Variants in ADGRG6 observed in about 807,000 individuals in gnomAD.
The protein encoded by ADGRG6 is G-protein coupled receptor 126.
ADGRG6 carries 84 observed loss-of-function variants against 142.4 expected under a neutral mutation model. The observed-to-expected ratio is 0.59, with a 90% CI of 0.49 to 0.71. ADGRG6 has a LOEUF of 0.71. Among genes scored for constraint, ADGRG6 ranks in the 30% least tolerant of loss-of-function variants. The probability of loss-of-function intolerance (pLI) is 0.00; values close to 1 mark genes in which losing one functional copy is unlikely to be tolerated. For synonymous variants in ADGRG6, 521 were observed against 520.5 expected, an observed-to-expected ratio of 1.00 and a Z score of -0.01; for missense variants, 1,367 against 1,466.6, an observed-to-expected ratio of 0.93 and a Z score of 1.11.
intron 2 of ADGRG6, among the ~76,000 whole-genome samples, chr6:142,334,412 G>A (rs1641567868): frequency 6.6e-6 from 1 of 152,148 alleles, no homozygotes; most frequent in Admixed American, 6.5e-5. Flanking sequence ...AAGTGAATTT[G>A]CAAACATTAA....
Position 142,383,851 on chromosome 6 carries a change from AT to A in ADGRG6, c.1222+9del. On this transcript the variant is annotated intron_variant, in intron 6 of 24. Transcript: ENST00000367609. ...TCGATAAACAAAGGAATGGTAAGAAATCATTACCTTTTATATTTTTAGTATG... is the reference window on the plus strand; with the variant it reads ...TCGATAAACAAAGGAATGGTAAGAAACATTACCTTTTATATTTTTAGTATG... The A allele has an allele frequency of 7.3e-7, 1 of 1,366,354 alleles. No individual in the cohort carries two copies. The highest frequency in any genetic ancestry group is 1.0e-6 in the Non-Finnish European group (1 of 958,368). The allele number at this position is 1,366,354 out of a possible 1,614,324, so 84.6% of individuals were successfully genotyped here.
At chr6:142,317,773 CATAT>C (rs1192330589) in intron 2 of ADGRG6, among the ~76,000 whole-genome samples, 1 of 80,316 alleles carries the variant, frequency 1.2e-5, no homozygotes, top group Non-Finnish European at 2.2e-5. Flanking sequence ...ATATTTATAT[CATAT>C]ATATTTATAT....
At chr6:142,331,715 G>GT (rs869304630) in intron 2 of ADGRG6, among the ~76,000 whole-genome samples, 9 of 150,690 alleles carry the variant, frequency 6.0e-5, no homozygotes, top group East Asian at 3.9e-4. Context: ...TGCCTTCTCT[G>GT]TTTTTTTTGT....
intron 2 of ADGRG6, among the ~76,000 whole-genome samples, chr6:142,351,937 G>A (rs1780199353): frequency 6.6e-6 from 1 of 152,072 alleles, no homozygotes; most frequent in South Asian, 2.1e-4. Context: ...CAGTCATAAT[G>A]GCCATTATTA....
Position 142,445,852 on chromosome 6 carries a change from C to G in ADGRG6, c.*2337C>G, listed in dbSNP as rs1777950464. The G allele has an allele frequency of 6.6e-6, 1 of 152,092 alleles. No homozygotes were observed. The highest frequency in any genetic ancestry group is 2.1e-4 in the South Asian group (1 of 4,830). The allele number at this position is 152,092 out of a possible 1,614,324, so 9.4% of individuals were successfully genotyped here. ...TCATTATGTTTTCTTTTCTTTTTCC[C>G]TCTTTTTAAACTACATTGTGTTAGA... On this transcript the variant is annotated 3_prime_UTR_variant, in exon 25 of 25. Coordinates refer to ENST00000367609, the MANE Select transcript of ADGRG6 (RefSeq NM_198569.3).
At chr6:142,360,724 T>A (rs560215494) in intron 2 of ADGRG6, among the ~76,000 whole-genome samples, 4 of 152,304 alleles carry the variant, frequency 2.6e-5, no homozygotes, top group Admixed American at 6.5e-5. Flanking sequence ...AGTGGTGTGA[T>A]CTCAGCTTAC....
intron 10 of ADGRG6, among the ~76,000 whole-genome samples, chr6:142,399,515 G>A (rs1234324035): frequency 6.6e-6 from 1 of 152,112 alleles, no homozygotes; most frequent in African/African-American, 2.4e-5. Context: ...TATGACTGGA[G>A]AACCCTAGGA....
chr6:142,433,483 G>A (rs1472230289), intron 22 of ADGRG6, among the ~76,000 whole-genome samples: 1 of 152,218 alleles, frequency 6.6e-6, no homozygotes. Context: ...GTCATGTAGA[G>A]TGTGAGGATG....
intron 2 of ADGRG6, among the ~76,000 whole-genome samples, chr6:142,317,720 T>A (rs1274522090): frequency 3.3e-5 from 3 of 92,100 alleles, no homozygotes; most frequent in Non-Finnish European, 5.3e-5. Context: ...ATATTTATAT[T>A]ATATATTAAT....
At chr6:142,352,886 A>G (rs909999992) in intron 2 of ADGRG6, among the ~76,000 whole-genome samples, 1 of 152,186 alleles carries the variant, frequency 6.6e-6, no homozygotes, top group Non-Finnish European at 1.5e-5. Flanking sequence ...AAGCAAATAA[A>G]ATTAGATGAA....
chr6:142,416,259 A>C (rs1776354678), intron 20 of ADGRG6, among the ~76,000 whole-genome samples, 195 bp downstream of exon 20: 1 of 152,138 alleles, frequency 6.6e-6, no homozygotes, highest in Admixed American at 6.6e-5. Context: ...CATCAACAGC[A>C]CTCACTATAT....
chr6:142,331,352 G>A (rs1024498416), intron 2 of ADGRG6, among the ~76,000 whole-genome samples: 2 of 151,930 alleles, frequency 1.3e-5, no homozygotes, highest in African/African-American at 4.8e-5. Flanking sequence ...GTCTTTTTAG[G>A]CCTAGTGAGA....
chr6:142,396,641 C>T (rs1363512540), intron 9 of ADGRG6, among the ~76,000 whole-genome samples: 1 of 152,082 alleles, frequency 6.6e-6, no homozygotes, highest in East Asian at 1.9e-4. Context: ...ACCACTTTGT[C>T]TTTGGCGTGA....
intron 2 of ADGRG6, among the ~76,000 whole-genome samples, chr6:142,350,133 A>G (rs1019453320): frequency 6.6e-6 from 1 of 152,208 alleles, no homozygotes; most frequent in Admixed American, 6.5e-5. Context: ...ATGTAACACC[A>G]CCCACTTTGT....
chr6:142,311,907 A>G (rs1409114372), intron 2 of ADGRG6, among the ~76,000 whole-genome samples: 1 of 151,912 alleles, frequency 6.6e-6, no homozygotes, highest in East Asian at 1.9e-4. Context: ...TCCTCCTTCT[A>G]TCCTCCTGTT....
chr6:142,401,397 C>T (rs78898956), intron 11 of ADGRG6, among the ~76,000 whole-genome samples: 2,535 of 152,236 alleles, frequency 0.017, 78 homozygotes, highest in African/African-American at 0.057. Context: ...AACTCAAAAT[C>T]AGATTTTACC....
At chr6:142,416,874 TAGA>T (rs1776391151) in intron 20 of ADGRG6, among the ~76,000 whole-genome samples, 1 of 152,198 alleles carries the variant, frequency 6.6e-6, no homozygotes, top group Admixed American at 6.5e-5. Flanking sequence ...TTTCTTTATA[TAGA>T]AGGAGGCAAA....
intron 1 of ADGRG6, among the ~76,000 whole-genome samples, chr6:142,307,901 G>C (rs1388150529): frequency 2.3e-4 from 35 of 151,898 alleles, no homozygotes; most frequent in Admixed American, 2.2e-3. Flanking sequence ...TTCTAGTTTG[G>C]TGAATACTAA....
At position 142,309,527 on chromosome 6, in the gene ADGRG6, ATCT is replaced by A; in HGVS notation, c.3-12_3-10del. On this transcript the variant is annotated splice_polypyrimidine_tract_variant and intron_variant, in intron 1 of 24. Coordinates refer to ENST00000367609, the MANE Select transcript of ADGRG6 (RefSeq NM_198569.3). ...CTGAATGTTGAATGTCCTAATTGCC[ATCT>A]TCTTTCTTTGCAGGATGTTTCGCTC... 1 of 1,578,208 alleles carries A rather than the reference ATCT, an allele frequency of 6.3e-7. No homozygotes were observed. Among genetic ancestry groups the A allele is most frequent in the Non-Finnish European group, 8.7e-7 (1 of 1,153,014 alleles).
Sources: allele counts gnomAD v4.1 joint callset (sites outside exome capture counted in the v4.1 genomes callset), GRCh38; gene constraint gnomAD v4.1.1; transcripts MANE v1.5; gene names NCBI Gene and HGNC (gene_info 2026-07-23, HGNC 2026-07-21).